The following PDGFD variants were observed in gnomAD, a reference collection of about 807,000 sequenced individuals.
PDGFD encodes the protein platelet-derived growth factor D.
A neutral mutation model predicts 44.7 loss-of-function variants in PDGFD; 30 were observed. That is an observed-to-expected ratio of 0.67 (90% CI 0.50 to 0.91). The LOEUF (loss-of-function observed/expected upper bound fraction) is 0.91, where lower values mean the gene tolerates loss of function less well. Ranked by LOEUF, PDGFD falls within the 40% of genes least tolerant of loss-of-function variation. PDGFD has a pLI of 0.00. For synonymous variants in PDGFD, 173 were observed against 168.4 expected (o/e 1.03, Z -0.21); for missense variants, 445 against 457.8 (o/e 0.97, Z 0.25).
intron 1 of PDGFD, among the ~76,000 whole-genome samples, chr11:104,044,792 A>G (rs1860413677): frequency 6.6e-6 from 1 of 152,134 alleles, no homozygotes; most frequent in South Asian, 2.1e-4. Context: ...TAATCCCAGC[A>G]CTTTGGGAGG....
intron 3 of PDGFD, 67 bp downstream of exon 3, chr11:103,995,998 G>A: frequency 1.4e-6 from 2 of 1,399,012 alleles, no homozygotes; most frequent in Non-Finnish European, 2.0e-6. Context: ...TTTGATCATA[G>A]AAAATTGATC....
chr11:103,970,564 G>A (rs1176379873), intron 3 of PDGFD, among the ~76,000 whole-genome samples: 1 of 152,050 alleles, frequency 6.6e-6, no homozygotes, highest in Non-Finnish European at 1.5e-5. Context: ...CAAACTTGAG[G>A]GAGCTTAGAG....
intron 1 of PDGFD, among the ~76,000 whole-genome samples, chr11:104,080,332 AT>A (rs1422416950): frequency 2.0e-5 from 3 of 152,234 alleles, no homozygotes; most frequent in Non-Finnish European, 4.4e-5. Flanking sequence ...AAGAAAAAAA[AT>A]AAAACCTCCT....
At chr11:104,076,018 G>T (rs560993168) in intron 1 of PDGFD, among the ~76,000 whole-genome samples, 2 of 152,196 alleles carry the variant, frequency 1.3e-5, no homozygotes, top group Non-Finnish European at 2.9e-5. Context: ...AGACCAGGTG[G>T]AGGTAACAGA....
At chr11:104,132,817 C>T (rs668285) in intron 1 of PDGFD, among the ~76,000 whole-genome samples, 46,428 of 151,866 alleles carry the variant, frequency 0.31, 7,408 homozygotes, top group African/African-American at 0.4. Flanking sequence ...TAATACTAAA[C>T]CCACCTTTTC....
intron 1 of PDGFD, among the ~76,000 whole-genome samples, chr11:104,010,322 ATTC>A (rs1859764272): frequency 6.6e-6 from 1 of 152,076 alleles, no homozygotes; most frequent in Non-Finnish European, 1.5e-5. Flanking sequence ...ACTCAAAATT[ATTC>A]TTCTTCAAGA....
chr11:104,011,515 A>T (rs1859786766), intron 1 of PDGFD, among the ~76,000 whole-genome samples: 1 of 152,086 alleles, frequency 6.6e-6, no homozygotes, highest in Non-Finnish European at 1.5e-5. Flanking sequence ...TAAAATAGGG[A>T]ACTATCTTAT....
At chr11:104,036,951 A>T (rs1262059146) in intron 1 of PDGFD, 1 of 1,614,234 alleles carries the variant, frequency 6.2e-7, no homozygotes, top group East Asian at 2.2e-5. Context: ...TCCCCGTCGA[A>T]GAGATCCAGA....
chr11:104,074,556 C>T (rs1170655609), intron 1 of PDGFD, among the ~76,000 whole-genome samples: 2 of 152,118 alleles, frequency 1.3e-5, no homozygotes, highest in African/African-American at 4.8e-5. Flanking sequence ...CATCAAGGCT[C>T]ATTAGGAAGC....
At chr11:104,032,033 T>C (rs1860133479) in intron 1 of PDGFD, among the ~76,000 whole-genome samples, 1 of 152,122 alleles carries the variant, frequency 6.6e-6, no homozygotes, top group African/African-American at 2.4e-5. Flanking sequence ...GAAAAATAGT[T>C]AATGCATGCT....
intron 3 of PDGFD, among the ~76,000 whole-genome samples, chr11:103,969,313 C>G (rs933061293): frequency 1.3e-5 from 2 of 152,048 alleles, no homozygotes; most frequent in Non-Finnish European, 2.9e-5. Context: ...CTTTTTAAAA[C>G]CATCTTTATT....
chr11:104,099,676 AAATC>A (rs1861342434), intron 1 of PDGFD, among the ~76,000 whole-genome samples: 1 of 146,266 alleles, frequency 6.8e-6, no homozygotes, highest in Non-Finnish European at 1.5e-5. Context: ...TAATAATAAT[AAATC>A]AAACCAAAAA....
intron 4 of PDGFD, chr11:103,946,087 G>A (rs999662208): frequency 2.0e-5 from 3 of 152,144 alleles, no homozygotes; most frequent in Non-Finnish European, 4.4e-5. Context: ...TTCAGCTTTT[G>A]TCACGTATTT....
chr11:104,144,283 G>T (rs1862129046), intron 1 of PDGFD, among the ~76,000 whole-genome samples: 1 of 151,870 alleles, frequency 6.6e-6, no homozygotes, highest in Non-Finnish European at 1.5e-5. Flanking sequence ...GAAGTGGGTG[G>T]GTCACTTGAG....
At chr11:103,952,264 T>C (rs1858770716) in intron 3 of PDGFD, among the ~76,000 whole-genome samples, 1 of 152,230 alleles carries the variant, frequency 6.6e-6, no homozygotes, top group Non-Finnish European at 1.5e-5. Context: ...TCATTTAAAA[T>C]TATATTAACA....
At chr11:104,087,711 T>A (rs780503978) in intron 1 of PDGFD, among the ~76,000 whole-genome samples, 6 of 152,196 alleles carry the variant, frequency 3.9e-5, no homozygotes, top group Non-Finnish European at 8.8e-5. Context: ...CCCAGAACAA[T>A]TTCTGCAATA....
chr11:104,001,943 T>A (rs1859626187), intron 1 of PDGFD, among the ~76,000 whole-genome samples: 1 of 152,204 alleles, frequency 6.6e-6, no homozygotes, highest in South Asian at 2.1e-4. Context: ...TTAAACTTTT[T>A]TTGGACTCAT....
chr11:104,141,792 A>C (rs956419417), intron 1 of PDGFD, among the ~76,000 whole-genome samples: 2 of 152,188 alleles, frequency 1.3e-5, no homozygotes, highest in Admixed American at 1.3e-4. Context: ...TCCGCAGCCA[A>C]GAGCAGGTAA....
intron 6 of PDGFD, among the ~76,000 whole-genome samples, chr11:103,925,255 C>T (rs1311904949): frequency 3.9e-5 from 6 of 152,280 alleles, no homozygotes; most frequent in Admixed American, 2.6e-4. Context: ...AATAGTGCTG[C>T]AATAAACATA....
Sources: gnomAD v4.1 joint callset for allele counts (sites outside exome capture counted in the v4.1 genomes callset) on GRCh38, gnomAD v4.1.1 for gene constraint, MANE v1.5 for transcripts, NCBI Gene and HGNC (gene_info 2026-07-23, HGNC 2026-07-21) for gene names.